The following ISM1 variants were observed in gnomAD, a reference collection of about 807,000 sequenced individuals.
ISM1 encodes the protein isthmin 1.
A neutral mutation model predicts 46.3 loss-of-function variants in ISM1; 25 were observed. The ratio of observed to expected loss-of-function variants is 0.54; its 90% CI spans 0.39 to 0.75. The LOEUF (loss-of-function observed/expected upper bound fraction) is 0.75, where lower values mean the gene tolerates loss of function less well. ISM1 is among the 30% of genes least tolerant of loss of function. ISM1 has a pLI of 0.00. For synonymous variants in ISM1, 255 were observed against 256.7 expected (o/e 0.99, Z 0.06); for missense variants, 536 against 625.4 (o/e 0.86, Z 1.52).
chr20:13,312,409 T>A, the ISM1 span, among the ~76,000 whole-genome samples: 2 of 152,198 alleles, frequency 1.3e-5, no homozygotes, highest in African/African-American at 4.8e-5. Flanking sequence ...CCTACCAGCC[T>A]TGCTGGTTCC....
chr20:13,226,281 C>G (rs1339046892), intron 1 of ISM1, among the ~76,000 whole-genome samples: 1 of 152,134 alleles, frequency 6.6e-6, no homozygotes, highest in Non-Finnish European at 1.5e-5. Flanking sequence ...GGAGTTCATC[C>G]AAGCCACTTA....
chr20:13,311,228 AGATAGATAGATAGAT>A, the ISM1 span, among the ~76,000 whole-genome samples: 3 of 114,140 alleles, frequency 2.6e-5, no homozygotes, highest in South Asian at 2.8e-4. Context: ...ATAGATAGAT[AGATAGATAGATAGAT>A]GATAGATAGA....
At chr20:13,318,160 T>TAAATAAATAAATAAATAAAAAAAA in the ISM1 span, among the ~76,000 whole-genome samples, 1 of 151,148 alleles carries the variant, frequency 6.6e-6, no homozygotes, top group Non-Finnish European at 1.5e-5. Flanking sequence ...AATAAATAAA[T>TAAATAAATAAATAAATAAAAAAAA]AAAAATGAGC....
chr20:13,232,006 G>A (rs1271315292), intron 1 of ISM1, among the ~76,000 whole-genome samples: 2 of 152,198 alleles, frequency 1.3e-5, no homozygotes, highest in South Asian at 2.1e-4. Context: ...GCCTGCCCCA[G>A]TGTTAACTTC....
chr20:13,279,927 T>C (rs2040220231), intron 3 of ISM1, 29 bp downstream of exon 3: 2 of 1,600,934 alleles, frequency 1.2e-6, no homozygotes, highest in South Asian at 1.1e-5. Context: ...AATATAAAAT[T>C]GGTGGGAAGA....
At chr20:13,233,659 T>G (rs1184646013) in intron 1 of ISM1, among the ~76,000 whole-genome samples, 1 of 150,200 alleles carries the variant, frequency 6.7e-6, no homozygotes, top group East Asian at 2.0e-4. Context: ...AAGAAATGAA[T>G]TGAGGAAATT....
At chr20:13,273,107 T>C (rs2123260374) in intron 2 of ISM1, among the ~76,000 whole-genome samples, 1 of 152,306 alleles carries the variant, frequency 6.6e-6, no homozygotes, top group African/African-American at 2.4e-5. Context: ...GGCTGCTTTG[T>C]GCTTGAACCC....
At chr20:13,233,853 C>T (rs1478285206) in intron 1 of ISM1, among the ~76,000 whole-genome samples, 1 of 152,158 alleles carries the variant, frequency 6.6e-6, no homozygotes, top group Non-Finnish European at 1.5e-5. Context: ...GCTTCTCAGC[C>T]CTTGCGCCCA....
intron 3 of ISM1, 75 bp downstream of exon 3, chr20:13,279,973 C>A: frequency 7.2e-7 from 1 of 1,395,884 alleles, no homozygotes; most frequent in Non-Finnish European, 9.8e-7. Flanking sequence ...TGGAGCCAAG[C>A]AAAACCCTGC....
intron 1 of ISM1, among the ~76,000 whole-genome samples, chr20:13,232,584 G>T (rs1260282072): frequency 6.6e-6 from 1 of 152,206 alleles, no homozygotes; most frequent in Non-Finnish European, 1.5e-5. Context: ...AAGATGCTGT[G>T]AACATTCAGG....
At chr20:13,236,982 G>A (rs1447361286) in intron 1 of ISM1, among the ~76,000 whole-genome samples, 1 of 152,156 alleles carries the variant, frequency 6.6e-6, no homozygotes, top group African/African-American at 2.4e-5. Context: ...TACCATTCTG[G>A]GATCTGGAGG....
At position 13,288,596 on chromosome 20, in the gene ISM1, G is replaced by C; in HGVS notation, c.700G>C (p.Gly234Arg). The C allele has an allele frequency of 6.2e-7, 1 of 1,613,938 alleles. No homozygotes were observed. The highest frequency in any genetic ancestry group is 8.5e-7 in the Non-Finnish European group (1 of 1,179,876). ...CTGGTCTGTCTGCAGCGTCACCTGC[G>C]GGAACGGCAACCAGAAACGGACCCG... ...SLWSVCSVTC[G>R]NGNQKRTRSC... is the part of the protein sequence containing the mutation. The change falls in exon 4 of 6, where the codon GGG (glycine) becomes CGG (arginine). Residue 234 changes from glycine (G) to arginine (R), a missense_variant. Around this residue, in one of 2 missense-constraint regions of ISM1, gnomAD observed 367 missense variants for 376.1 expected, o/e 0.98. Coordinates refer to ENST00000262487, the MANE Select transcript of ISM1 (RefSeq NM_080826.2).
chr20:13,262,246 C>T (rs1260165834), intron 1 of ISM1, among the ~76,000 whole-genome samples: 1 of 152,136 alleles, frequency 6.6e-6, no homozygotes, highest in Non-Finnish European at 1.5e-5. Context: ...GGATGGAAGC[C>T]CCCTGGTGGC....
intron 2 of ISM1, 128 bp from the exon 3 acceptor site, chr20:13,279,506 A>C: frequency 1.1e-6 from 1 of 885,318 alleles, no homozygotes; most frequent in East Asian, 2.7e-5. Flanking sequence ...TCGCCATGCA[A>C]TCTCAGCTTT....
intron 1 of ISM1, among the ~76,000 whole-genome samples, chr20:13,224,260 A>G (rs2039487617): frequency 6.6e-6 from 1 of 152,144 alleles, no homozygotes. Flanking sequence ...TGTTATTATA[A>G]AAGTTTTATA....
At chr20:13,246,519 A>G (rs2039796572) in intron 1 of ISM1, among the ~76,000 whole-genome samples, 1 of 152,214 alleles carries the variant, frequency 6.6e-6, no homozygotes. Context: ...GCATATGGAA[A>G]GTGCCCAAGA....
chr20:13,298,908 C>G (rs189481232), intron 5 of ISM1, 34 bp from the exon 6 acceptor site: 1 of 1,603,418 alleles, frequency 6.2e-7, no homozygotes, highest in Admixed American at 1.7e-5. Context: ...CGGTTGTACA[C>G]GCGGTGAGAG....
At chr20:13,268,216 TTC>T (rs1296203982) in intron 1 of ISM1, among the ~76,000 whole-genome samples, 2 of 149,680 alleles carry the variant, frequency 1.3e-5, no homozygotes, top group East Asian at 2.0e-4. Flanking sequence ...CTCTTGCTCC[TTC>T]TCTTTCTCTC....
chr20:13,303,497 G>T (rs1213088698), downstream of ISM1, among the ~76,000 whole-genome samples: 1 of 152,158 alleles, frequency 6.6e-6, no homozygotes, highest in Non-Finnish European at 1.5e-5. Flanking sequence ...TGTGCTAACT[G>T]CTGCCTGTTA....
Sources: gnomAD v4.1 joint callset for allele counts (sites outside exome capture counted in the v4.1 genomes callset) on GRCh38, gnomAD v4.1.1 for gene constraint, gnomAD v4.1.1 regional missense constraint, MANE v1.5 for transcripts, NCBI Gene and HGNC (gene_info 2026-07-23, HGNC 2026-07-21) for gene names.